The following EPHX4 variants were observed in gnomAD, a reference collection of about 807,000 sequenced individuals.
EPHX4 encodes the protein epoxide hydrolase 4.
EPHX4 carries 31 observed loss-of-function variants against 44.9 expected under a neutral mutation model. The ratio of observed to expected loss-of-function variants is 0.69; its 90% CI spans 0.52 to 0.93. The LOEUF (loss-of-function observed/expected upper bound fraction) is 0.93. Among genes scored for constraint, EPHX4 ranks in the 40% least tolerant of loss-of-function variants. The pLI, the probability that EPHX4 is intolerant of heterozygous loss-of-function variation, is 0.00. For missense variants in EPHX4, 373 were observed against 438.1 expected, an observed-to-expected ratio of 0.85 and a Z score of 1.33; for synonymous variants, 151 against 159.7, an observed-to-expected ratio of 0.95 and a Z score of 0.41.
chr1:92,032,373 G>A, intron 1 of EPHX4, 132 bp from the exon 2 acceptor site: 1 of 655,878 alleles, frequency 1.5e-6, no homozygotes, highest in Non-Finnish European at 2.7e-6. Flanking sequence ...TGAGTGTCAT[G>A]AAGATATTGT....
chr1:92,030,219 C>G lies in EPHX4; in HGVS notation c.140C>G (p.Pro47Arg), dbSNP rs748136683. 2 of 1,605,428 alleles carry G rather than the reference C, an allele frequency of 1.2e-6. No homozygotes were observed. Among genetic ancestry groups the G allele is most frequent in the Non-Finnish European group, 1.7e-6 (2 of 1,176,164 alleles). ...LKLLWSLGKG[P>R]AQTFRRPARE... ...CTTTTGTGGAGCCTCGGCAAGGGGCCGGCGCAGACCTTCCGGCGGCCCGCC... is the reference window on the plus strand; with the variant it reads ...CTTTTGTGGAGCCTCGGCAAGGGGCGGGCGCAGACCTTCCGGCGGCCCGCC... Residue 47 changes from proline (P) to arginine (R), a missense_variant, in exon 1 of 7, where the codon CCG becomes CGG. Coordinates refer to ENST00000370383, the MANE Select transcript of EPHX4 (RefSeq NM_173567.5).
At chr1:92,062,515 G>A (rs1457869096) in intron 6 of EPHX4, among the ~76,000 whole-genome samples, 1 of 150,280 alleles carries the variant, frequency 6.7e-6, no homozygotes, top group Non-Finnish European at 1.5e-5. Flanking sequence ...AACCCGGAGG[G>A]TGGAGGTTGC....
rs544205928 is a variant in EPHX4 at position 92,039,408 on chromosome 1, T to A, written c.318-3415T>A. 2.0e-5 allele frequency among the ~76,000 whole-genome samples: 3 copies of A among 152,276 alleles called. No homozygotes were observed. In the South Asian group the frequency reaches 6.2e-4, roughly 32 times the overall value. On this transcript the variant is annotated intron_variant, in intron 2 of 6. Transcript: ENST00000370383. ...GTGTTTAAATAAATATTTAAGAGGT[T>A]AAATGAACAGAACTTTATTGATTGG...
chr1:92,048,550 T>C (rs536067495), intron 4 of EPHX4, among the ~76,000 whole-genome samples: 2 of 152,322 alleles, frequency 1.3e-5, no homozygotes, highest in East Asian at 3.9e-4. Context: ...TGTTAAATTA[T>C]GACTTTGCAA....
At chr1:92,034,976 C>T (rs542612888) in intron 2 of EPHX4, among the ~76,000 whole-genome samples, 1 of 152,042 alleles carries the variant, frequency 6.6e-6, no homozygotes, top group African/African-American at 2.4e-5. Context: ...GTGAAAGGGA[C>T]TTTATGAATA....
chr1:92,032,444 A>G (rs1440287001), intron 1 of EPHX4, 61 bp from the exon 2 acceptor site: 2 of 1,254,812 alleles, frequency 1.6e-6, no homozygotes, highest in East Asian at 2.3e-5. Context: ...TGGAAATGCT[A>G]AATATATTGC....
At chr1:92,046,291 A>G (rs1184087005) in intron 4 of EPHX4, among the ~76,000 whole-genome samples, 1 of 152,202 alleles carries the variant, frequency 6.6e-6, no homozygotes. Context: ...CATTTTTGCA[A>G]ATCTCTTCAA....
intron 4 of EPHX4, among the ~76,000 whole-genome samples, chr1:92,049,429 C>G (rs546400026): frequency 2.0e-5 from 3 of 152,286 alleles, no homozygotes; most frequent in Non-Finnish European, 4.4e-5. Context: ...TATTATTGCT[C>G]TCTAAAGTGA....
At position 92,030,136 on chromosome 1, in the gene EPHX4, C is replaced by A; in HGVS notation, c.57C>A (p.Leu19=). The A allele has an allele frequency of 6.2e-7, 1 of 1,612,696 alleles. No homozygotes were observed. The highest frequency in any genetic ancestry group is 1.1e-5 in the South Asian group (1 of 90,876). ...TGATGCTCACGCTCCGGTCCCTGCT[C>A]TTCTGGTCCCTGGTCTACTGCTACT... ...PRLMLTLRSL[L]FWSLVYCYCG... Residue 19 remains leucine (L), a synonymous_variant, in exon 1 of 7, where the codon CTC becomes CTA. Transcript: ENST00000370383.
chr1:92,030,483 T>TGTGTGTGTGTGTGTGTGTGTGAGTGTGA (rs745435867), intron 1 of EPHX4, among the ~76,000 whole-genome samples, 173 bp downstream of exon 1: 1 of 138,658 alleles, frequency 7.2e-6, no homozygotes, highest in African/African-American at 2.7e-5. Context: ...TGTGTGTGTG[T>TGTGTGTGTGTGTGTGTGTGTGAGTGTGA]GTGAGAGAGA....
intron 1 of EPHX4, 82 bp downstream of exon 1, chr1:92,030,392 A>C: frequency 7.7e-7 from 1 of 1,295,332 alleles, no homozygotes; most frequent in Admixed American, 2.9e-5. Context: ...TCTCCTTCCG[A>C]GACGCTGGCT....
intron 4 of EPHX4, 81 bp downstream of exon 4, chr1:92,045,741 A>C (rs1334801993): frequency 6.6e-7 from 1 of 1,523,348 alleles, no homozygotes; most frequent in Non-Finnish European, 9.0e-7. Context: ...TAGAAACAGC[A>C]AAATTTGGTT....
At chr1:92,058,369 A>C (rs1647417432) in intron 6 of EPHX4, among the ~76,000 whole-genome samples, 1 of 151,068 alleles carries the variant, frequency 6.6e-6, no homozygotes, top group South Asian at 2.1e-4. Flanking sequence ...TGAACCTGGG[A>C]GGTGGAGGTT....
At chr1:92,046,610 C>T (rs564605314) in intron 4 of EPHX4, among the ~76,000 whole-genome samples, 44 of 152,206 alleles carry the variant, frequency 2.9e-4, no homozygotes, top group African/African-American at 9.9e-4. Flanking sequence ...ACTACAGACA[C>T]CCGCCACCAT....
Position 92,045,585 on chromosome 1 carries a change from C to T in EPHX4, c.529C>T (p.Leu177=). The change falls in exon 4 of 7, where the codon CTA becomes TTA. Residue 177 remains leucine, a synonymous_variant. Coordinates refer to ENST00000370383, the MANE Select transcript of EPHX4 (RefSeq NM_173567.5). ...GHDWGGMIAW[L]IAICYPEMVM... ...TGACTGGGGGGGCATGATTGCTTGG[C>T]TAATTGCCATCTGTTATCCTGAAAT... The T allele has an allele frequency of 6.2e-7, 1 of 1,613,960 alleles. No homozygotes were observed. The highest frequency in any genetic ancestry group is 8.5e-7 in the Non-Finnish European group (1 of 1,179,924).
chr1:92,060,640 C>T (rs757907863), intron 6 of EPHX4, among the ~76,000 whole-genome samples: 1 of 151,552 alleles, frequency 6.6e-6, no homozygotes, highest in Non-Finnish European at 1.5e-5. Flanking sequence ...AATAGGTAGC[C>T]GGGTGCGATG....
chr1:92,060,441 CAA>C (rs111746173), intron 6 of EPHX4, among the ~76,000 whole-genome samples: 7 of 119,276 alleles, frequency 5.9e-5, no homozygotes, highest in African/African-American at 1.5e-4. Flanking sequence ...GACCCTGTCT[CAA>C]AAAAAAAAAA....
chr1:92,050,971 T>TACAG (rs1227046997), intron 5 of EPHX4, among the ~76,000 whole-genome samples: 1 of 152,166 alleles, frequency 6.6e-6, no homozygotes, highest in Non-Finnish European at 1.5e-5. Context: ...TAGCTGGGAC[T>TACAG]ACAGGCATGT....
chr1:92,062,584 C>CAAAAA (rs1167530513), intron 6 of EPHX4, among the ~76,000 whole-genome samples: 4 of 20,090 alleles, frequency 2.0e-4, no homozygotes, highest in Non-Finnish European at 3.8e-4. Flanking sequence ...AACTCCATCT[C>CAAAAA]AAAAAAAAAA....
Sources: allele counts gnomAD v4.1 joint callset (sites outside exome capture counted in the v4.1 genomes callset), GRCh38; gene constraint gnomAD v4.1.1; transcripts MANE v1.5; gene names NCBI Gene and HGNC (gene_info 2026-07-23, HGNC 2026-07-21).